Variants in TBC1D9 observed in about 807,000 individuals in gnomAD.
TBC1D9 encodes the protein TBC1 domain family member 9, also known as TBC1 domain family member 9A.
Under a neutral mutation model 132.0 loss-of-function variants are expected in TBC1D9, and 63 were observed. The observed-to-expected ratio is 0.48, with a 90% CI of 0.39 to 0.59. The LOEUF is 0.59. Among genes scored for constraint, TBC1D9 ranks in the 20% least tolerant of loss-of-function variants. The pLI is 0.00. For synonymous variants in TBC1D9, 610 were observed against 609.9 expected (o/e 1.00, Z 0.00); for missense variants, 1,261 against 1,592.7 (o/e 0.79, Z 3.54).
intron 16 of TBC1D9, 39 bp from the exon 17 acceptor site, chr4:140,628,404 T>A (rs774045870): frequency 6.4e-7 from 1 of 1,556,528 alleles, no homozygotes; most frequent in Non-Finnish European, 8.9e-7. Flanking sequence ...ATGCATCACA[T>A]GTGCTAATAA....
chr4:140,672,889 G>A (rs960778474), intron 6 of TBC1D9, among the ~76,000 whole-genome samples: 1 of 152,176 alleles, frequency 6.6e-6, no homozygotes, highest in Admixed American at 6.5e-5. Context: ...GGCTAGGCAC[G>A]TGGCTCACGC....
Position 140,717,712 on chromosome 4 carries a change from C to G in TBC1D9, c.131-16098G>C, listed in dbSNP as rs1331920219. 2.0e-5 allele frequency among the ~76,000 whole-genome samples: 3 copies of G among 152,262 alleles called. No homozygotes were observed. In the East Asian group the frequency reaches 5.8e-4, roughly 29 times the overall value. On this transcript the variant is annotated intron_variant, in intron 1 of 20. Transcript: ENST00000442267. The stretch of plus-strand genomic sequence containing the variant: ...TCAGGGAAACAGATTCTTTCTACAG[C>G]TCAGGTGCAGCGTGAAGATTATGTG...
intron 6 of TBC1D9, among the ~76,000 whole-genome samples, chr4:140,676,651 T>TAATAA (rs1737629400): frequency 1.3e-5 from 2 of 152,002 alleles, no homozygotes; most frequent in African/African-American, 4.8e-5. Flanking sequence ...AGACTGTCTC[T>TAATAA]AATAAAATAA....
At chr4:140,751,465 G>A (rs1738922419) in intron 1 of TBC1D9, among the ~76,000 whole-genome samples, 1 of 151,992 alleles carries the variant, frequency 6.6e-6, no homozygotes, top group Admixed American at 6.6e-5. Flanking sequence ...TTAAGGTGGG[G>A]GTTAAAACTG....
At chr4:140,678,084 T>C (rs1206447821) in intron 5 of TBC1D9, among the ~76,000 whole-genome samples, 2 of 152,164 alleles carry the variant, frequency 1.3e-5, no homozygotes, top group African/African-American at 4.8e-5. Flanking sequence ...TGTATTTGCC[T>C]AGTTCCCTTT....
At chr4:140,645,507 A>G (rs1359384386) in intron 13 of TBC1D9, 4 of 363,748 alleles carry the variant, frequency 1.1e-5, no homozygotes, top group African/African-American at 4.3e-5. Context: ...CCCCTAAGCC[A>G]CTATCCTCTC....
intron 11 of TBC1D9, 92 bp from the exon 12 acceptor site, chr4:140,657,904 G>A (rs1737297062): frequency 2.9e-6 from 4 of 1,396,450 alleles, no homozygotes; most frequent in African/African-American, 1.4e-5. Flanking sequence ...GCTAGCACAG[G>A]ACTCTGTTCC....
chr4:140,679,648 G>C lies in TBC1D9; in HGVS notation c.556C>G (p.Leu186Val), dbSNP rs564870543. The change falls in exon 4 of 21, where the codon CTT (leucine) becomes GTT (valine). Residue 186 changes from leucine to valine, a missense_variant. Coordinates refer to ENST00000442267, the MANE Select transcript of TBC1D9 (RefSeq NM_015130.3). ...QGWMYLSINH[L>V]CFYSFLMGRE... is the part of the protein sequence containing the mutation. ...CCCATAAGAAAAGAATAAAAGCAAA[G>C]GTGGTTAATGCTGAGGTACATCCAA... 17 of 1,613,706 alleles carry C rather than the reference G, an allele frequency of 1.1e-5. No individual in the cohort carries two copies. In the African/African-American group the frequency reaches 2.0e-4, roughly 19 times the overall value.
intron 6 of TBC1D9, among the ~76,000 whole-genome samples, chr4:140,673,388 T>C (rs1165736459): frequency 6.6e-6 from 1 of 152,108 alleles, no homozygotes; most frequent in Non-Finnish European, 1.5e-5. Flanking sequence ...AAAGTGGGCA[T>C]TCCGTGTAGG....
chr4:140,633,526 A>G (rs1736830236), intron 16 of TBC1D9, among the ~76,000 whole-genome samples: 1 of 152,204 alleles, frequency 6.6e-6, no homozygotes, highest in Non-Finnish European at 1.5e-5. Context: ...CTCCTTTATT[A>G]AAAACATTTC....
intron 13 of TBC1D9, among the ~76,000 whole-genome samples, chr4:140,650,691 C>A (rs1214836070): frequency 6.6e-6 from 1 of 152,142 alleles, no homozygotes; most frequent in South Asian, 2.1e-4. Flanking sequence ...CATCACCATG[C>A]CTGGCTGATT....
intron 16 of TBC1D9, 131 bp from the exon 17 acceptor site, chr4:140,628,496 G>T: frequency 2.5e-6 from 2 of 801,568 alleles, no homozygotes; most frequent in Non-Finnish European, 4.1e-6. Flanking sequence ...GCCTGGCCAG[G>T]ACCTGTTTGG....
intron 13 of TBC1D9, chr4:140,643,833 C>A (rs1024029711): frequency 2.8e-6 from 2 of 721,006 alleles, no homozygotes; most frequent in Non-Finnish European, 4.8e-6. Flanking sequence ...CTCCAACGGG[C>A]CACCTCTGCA....
At chr4:140,735,696 G>A (rs1738663081) in intron 1 of TBC1D9, among the ~76,000 whole-genome samples, 1 of 152,156 alleles carries the variant, frequency 6.6e-6, no homozygotes, top group Admixed American at 6.5e-5. Context: ...AGATGACAGA[G>A]CAAAACCCTG....
rs771488859 is a variant in TBC1D9 at position 140,686,381 on chromosome 4, T to C, written c.323A>G (p.Glu108Gly). 1 of 1,611,340 alleles carries C rather than the reference T, an allele frequency of 6.2e-7. No homozygotes were observed. Among genetic ancestry groups the C allele is most frequent in the Non-Finnish European group, 8.5e-7 (1 of 1,178,002 alleles). Reference protein sequence around the residue: ...LLQTLSIFENENDITTFVRGK... With the variant: ...LLQTLSIFENGNDITTFVRGK... The stretch of plus-strand genomic sequence containing the variant: ...TCTCACAAATGTGGTGATATCATTC[T>C]CATTTTCAAAGATGGAGAGTGTCTG... Residue 108 changes from glutamate (E) to glycine (G), a missense_variant, in exon 3 of 21, where the codon GAG (glutamate) becomes GGG (glycine). Glu to Gly is a moderately conservative substitution (Grantham distance 98). This residue lies in a region of TBC1D9 where 550 missense variants were observed against 699.0 expected (regional missense o/e 0.79). Transcript: ENST00000442267.
intron 10 of TBC1D9, among the ~76,000 whole-genome samples, 186 bp from the exon 11 acceptor site, chr4:140,659,891 T>G: frequency 6.6e-6 from 1 of 152,202 alleles, no homozygotes; most frequent in East Asian, 1.9e-4. Context: ...TGAGTTTTGT[T>G]TTATGACCCT....
chr4:140,673,299 A>G (rs1369340945), intron 6 of TBC1D9, among the ~76,000 whole-genome samples: 1 of 152,242 alleles, frequency 6.6e-6, no homozygotes, highest in Non-Finnish European at 1.5e-5. Context: ...AATGTGTGTT[A>G]AAAACCTCCA....
chr4:140,743,475 G>A (rs183113714), intron 1 of TBC1D9, among the ~76,000 whole-genome samples: 2 of 152,306 alleles, frequency 1.3e-5, no homozygotes, highest in Admixed American at 1.3e-4. Context: ...TGTCCAACAG[G>A]TGGAGCTGTG....
intron 13 of TBC1D9, chr4:140,643,759 C>A: frequency 9.2e-7 from 1 of 1,087,680 alleles, no homozygotes; most frequent in Non-Finnish European, 1.3e-6. Context: ...TCAGGCCCCT[C>A]CGCAAAGTCT....
Sources: allele counts gnomAD v4.1 joint callset (sites outside exome capture counted in the v4.1 genomes callset), GRCh38; gene constraint gnomAD v4.1.1; regional missense constraint gnomAD v4.1.1; transcripts MANE v1.5; gene names NCBI Gene and HGNC (gene_info 2026-07-23, HGNC 2026-07-21).